The following FAM76A variants were observed in gnomAD, a reference collection of about 807,000 sequenced individuals.
The protein encoded by FAM76A is protein FAM76A.
In FAM76A, 32 loss-of-function variants were observed where a neutral mutation model predicts 46.2. The observed-to-expected ratio is 0.69, with a 90% CI of 0.52 to 0.93. FAM76A has a LOEUF of 0.93. FAM76A is among the 40% of genes least tolerant of loss of function. The probability of loss-of-function intolerance (pLI) is 0.00; values close to 1 mark genes in which losing one functional copy is unlikely to be tolerated. For synonymous variants in FAM76A, 137 were observed against 127.0 expected (o/e 1.08, Z -0.53); for missense variants, 274 against 361.5 (o/e 0.76, Z 1.96).
chr1:27,726,700 T>TA (rs1044686130), intron 1 of FAM76A, among the ~76,000 whole-genome samples: 2 of 152,058 alleles, frequency 1.3e-5, no homozygotes, highest in Non-Finnish European at 2.9e-5. Flanking sequence ...CTTTATGTTT[T>TA]AAAAAAGCCC....
chr1:27,760,713 G>A lies in FAM76A; in HGVS notation c.*132G>A. ...TTTTATTACAGTTATCCTTCTTTGT[G>A]CGATTGCAGTGGGCTGAATGGAAAC... On this transcript the variant is annotated 3_prime_UTR_variant, in exon 9 of 9. Coordinates refer to ENST00000373954, the MANE Select transcript of FAM76A (RefSeq NM_152660.3). 1.7e-6 allele frequency: 1 copy of A among 577,254 alleles called. No individual in the cohort carries two copies. The highest frequency in any genetic ancestry group is 3.0e-6 in the Non-Finnish European group (1 of 331,826). The allele number at this position is 577,254 out of a possible 1,614,324, so 35.8% of individuals were successfully genotyped here.
At chr1:27,750,991 C>T (rs1384485681) in intron 6 of FAM76A, among the ~76,000 whole-genome samples, 6 of 152,052 alleles carry the variant, frequency 3.9e-5, no homozygotes, top group African/African-American at 9.7e-5. Context: ...GATGAAACAC[C>T]ATCTCTAAAG....
At chr1:27,733,520 C>A (rs1156983526) in intron 3 of FAM76A, among the ~76,000 whole-genome samples, 1 of 152,066 alleles carries the variant, frequency 6.6e-6, no homozygotes, top group Non-Finnish European at 1.5e-5. Context: ...AATCAATAGT[C>A]CTGTGCAGAA....
In FAM76A at chr1:27,763,081, A is replaced by T. The variant is rs1015930347; in HGVS notation, c.*2500A>T. The T allele has an allele frequency of 7.9e-5, 12 of 152,198 alleles. No homozygotes were observed. The highest frequency in any genetic ancestry group is 1.5e-5 in the Non-Finnish European group (1 of 68,024). 9.4% of individuals were successfully genotyped at this position (152,198 alleles called of 1,614,324 possible). A position where few individuals can be genotyped will look rare whatever the true frequency, so the allele number is the denominator to read the frequency against. On this transcript the variant is annotated 3_prime_UTR_variant, in exon 9 of 9. Transcript: ENST00000373954. Reference sequence around the variant, plus strand: ...AATGTTTTGGTTTGTACAGACTTTGACAAATGTGTGTTAATAAAAATTCAT... The same window carrying T: ...AATGTTTTGGTTTGTACAGACTTTGTCAAATGTGTGTTAATAAAAATTCAT...
intron 4 of FAM76A, among the ~76,000 whole-genome samples, chr1:27,734,690 C>T (rs1557776432): frequency 6.6e-6 from 1 of 152,120 alleles, no homozygotes; most frequent in Admixed American, 6.6e-5. Context: ...TAACATTTCA[C>T]GAGAATTGAA....
chr1:27,738,489 A>G lies in FAM76A; in HGVS notation c.354+4306A>G, dbSNP rs1318722650. Among the ~76,000 whole-genome samples, 4 of 151,866 alleles carry G rather than the reference A, an allele frequency of 2.6e-5. No individual in the cohort carries two copies. In the East Asian group the frequency reaches 7.7e-4, roughly 29 times the overall value. On this transcript the variant is annotated intron_variant, in intron 4 of 8. Transcript: ENST00000373954. The stretch of plus-strand genomic sequence containing the variant: ...AAGACTCTGTCTCAAAAAAAAAATA[A>G]TAATAATAATATTAATAATAATAAA...
At chr1:27,757,213 T>TG (rs2088425571) in intron 7 of FAM76A, among the ~76,000 whole-genome samples, 1 of 140,044 alleles carries the variant, frequency 7.1e-6, no homozygotes, top group Non-Finnish European at 1.5e-5. Flanking sequence ...TTTTTTTTTT[T>TG]GAGACAGAGT....
chr1:27,735,618 A>G (rs2088031270), intron 4 of FAM76A, among the ~76,000 whole-genome samples: 1 of 152,200 alleles, frequency 6.6e-6, no homozygotes, highest in South Asian at 2.1e-4. Context: ...CTGTATCAAG[A>G]TCCTGAAGAA....
chr1:27,729,051 G>A (rs990461326), intron 2 of FAM76A, among the ~76,000 whole-genome samples: 1 of 151,610 alleles, frequency 6.6e-6, no homozygotes, highest in Admixed American at 6.6e-5. Flanking sequence ...TTTTTTTTTG[G>A]TACCAAGTTT....
chr1:27,756,589 C>G (rs1281612114), intron 7 of FAM76A, among the ~76,000 whole-genome samples: 1 of 150,668 alleles, frequency 6.6e-6, no homozygotes, highest in East Asian at 2.0e-4. Context: ...CTGTGCCCGG[C>G]CTCAGTGTTA....
At chr1:27,735,030 G>A (rs1487811479) in intron 4 of FAM76A, among the ~76,000 whole-genome samples, 5 of 152,200 alleles carry the variant, frequency 3.3e-5, no homozygotes, top group Non-Finnish European at 5.9e-5. Context: ...GGCCTGCAAG[G>A]CCCATGCGCA....
intron 4 of FAM76A, chr1:27,740,480 C>T: frequency 6.8e-7 from 1 of 1,471,360 alleles, no homozygotes; most frequent in South Asian, 1.1e-5. Context: ...TGGAGTAGGT[C>T]CTGACACTGT....
Position 27,738,285 on chromosome 1 carries a change from T to G in FAM76A, c.354+4102T>G, listed in dbSNP as rs552968559. 2.0e-5 allele frequency among the ~76,000 whole-genome samples: 3 copies of G among 151,470 alleles called. No homozygotes were observed. The South Asian group carries it at 6.3e-4, about 32-fold the overall frequency. On this transcript the variant is annotated intron_variant, in intron 4 of 8. Transcript: ENST00000373954. ...GGAGGGTGGATCACGAGGTCAGGAG[T>G]TCGAGATCAGCCTGGCCAACATGGT... is the stretch of plus-strand genomic sequence containing the variant.
chr1:27,748,064 CTT>C (rs1364787657), intron 5 of FAM76A, among the ~76,000 whole-genome samples: 1 of 150,768 alleles, frequency 6.6e-6, no homozygotes, highest in Non-Finnish European at 1.5e-5. Flanking sequence ...GAAATAATAA[CTT>C]ATCTATACCT....
chr1:27,758,757 A>G (rs2088457835), intron 7 of FAM76A, among the ~76,000 whole-genome samples: 1 of 145,412 alleles, frequency 6.9e-6, no homozygotes, highest in South Asian at 2.2e-4. Flanking sequence ...GAGCTCAAGT[A>G]TTCCGCCCTT....
rs776461840 is a variant in FAM76A at position 27,734,019 on chromosome 1, T to TC, written c.202-8dup. On this transcript the variant is annotated splice_polypyrimidine_tract_variant and intron_variant, in intron 3 of 8. Coordinates refer to ENST00000373954, the MANE Select transcript of FAM76A (RefSeq NM_152660.3). ...AAGTAATACTTACTTGACTCTTTTT[T>TC]CCCCTTTTAAGCCCAAACCTTGTCA... 26 of 1,599,068 alleles carry TC rather than the reference T, an allele frequency of 1.6e-5. No homozygotes were observed. In the African/African-American group the frequency reaches 2.4e-4, roughly 15 times the overall value.
chr1:27,755,604 C>A lies in FAM76A; in HGVS notation c.735+274C>A, dbSNP rs189202142. Among the ~76,000 whole-genome samples, 5 of 152,258 alleles carry A rather than the reference C, an allele frequency of 3.3e-5. 1 individual carries two copies. The highest frequency in any genetic ancestry group is 3.3e-4 in the Admixed American group (5 of 15,294). ...TTGTTTTGTTTTTGAGACAGGGTCTCAGCTGTGTCACCCTGGCTGGAGTGC... is the reference window on the plus strand; with the variant it reads ...TTGTTTTGTTTTTGAGACAGGGTCTAAGCTGTGTCACCCTGGCTGGAGTGC... On this transcript the variant is annotated intron_variant, in intron 7 of 8. Transcript: ENST00000373954.
At chr1:27,732,709 CT>C in intron 3 of FAM76A, 52 bp downstream of exon 3, 1 of 1,427,102 alleles carries the variant, frequency 7.0e-7, no homozygotes, top group Non-Finnish European at 9.7e-7. Flanking sequence ...CTTGTGGAAC[CT>C]TACCTTCTGT....
intron 6 of FAM76A, among the ~76,000 whole-genome samples, chr1:27,751,326 T>C (rs1189513634): frequency 6.6e-6 from 1 of 152,210 alleles, no homozygotes; most frequent in Non-Finnish European, 1.5e-5. Context: ...TGTTTGCATT[T>C]CTTTTTTTTA....
Sources: allele counts gnomAD v4.1 joint callset (sites outside exome capture counted in the v4.1 genomes callset), GRCh38; gene constraint gnomAD v4.1.1; transcripts MANE v1.5; gene names NCBI Gene and HGNC (gene_info 2026-07-23, HGNC 2026-07-21).